The following NOTCH2 variants were observed in gnomAD, a reference collection of about 807,000 sequenced individuals.
NOTCH2 encodes the protein notch receptor 2, also known as neurogenic locus notch homolog protein 2.
In NOTCH2, 29 loss-of-function variants were observed where a neutral mutation model predicts 235.8. That is an observed-to-expected ratio of 0.12 (90% CI 0.09 to 0.17). The LOEUF is 0.17. NOTCH2 is among the 10% of genes least tolerant of loss of function. The pLI is 1.00. For synonymous variants in NOTCH2, 1,086 were observed against 1,141.5 expected (o/e 0.95, Z 0.98); for missense variants, 2,285 against 3,150.2 (o/e 0.73, Z 6.57).
intron 2 of NOTCH2, among the ~76,000 whole-genome samples, chr1:120,005,803 A>C (rs1489316480): frequency 2.2e-5 from 2 of 90,090 alleles, no homozygotes; most frequent in Non-Finnish European, 4.6e-5. Context: ...CAGGTGACAG[A>C]GTATCAGGTG....
chr1:119,948,861 G>C, intron 16 of NOTCH2, 146 bp downstream of exon 16: 1 of 1,134,118 alleles, frequency 8.8e-7, no homozygotes, highest in Non-Finnish European at 1.3e-6. Flanking sequence ...ATTTCAAGTA[G>C]CAGCTCCTTT....
intron 1 of NOTCH2, among the ~76,000 whole-genome samples, chr1:120,031,036 A>T (rs1383532288): frequency 6.7e-6 from 1 of 150,090 alleles, no homozygotes; most frequent in Non-Finnish European, 1.5e-5. Flanking sequence ...TAAGATGTCC[A>T]TCTCTTATGA....
intron 32 of NOTCH2, among the ~76,000 whole-genome samples, 186 bp from the exon 33 acceptor site, chr1:119,917,948 G>T: frequency 6.6e-6 from 1 of 152,112 alleles, no homozygotes; most frequent in African/African-American, 2.4e-5. Flanking sequence ...AGTACAGGCT[G>T]CCTAGCCTGC....
intron 2 of NOTCH2, among the ~76,000 whole-genome samples, chr1:120,024,940 C>T (rs1381797223): frequency 6.6e-6 from 1 of 150,586 alleles, no homozygotes; most frequent in Admixed American, 6.6e-5. Flanking sequence ...CAGGCATAAA[C>T]TAGAAGGGAT....
chr1:119,974,991 T>C (rs1553200746), intron 5 of NOTCH2, among the ~76,000 whole-genome samples: 1 of 152,176 alleles, frequency 6.6e-6, no homozygotes, highest in East Asian at 1.9e-4. Flanking sequence ...TAATCTAACA[T>C]GCTCATTTTA....
At chr1:119,978,312 A>T (rs1553201207) in intron 5 of NOTCH2, among the ~76,000 whole-genome samples, 1 of 152,138 alleles carries the variant, frequency 6.6e-6, no homozygotes, top group East Asian at 1.9e-4. Context: ...GTGTGGCTGG[A>T]GAGGGAGTTA....
intron 5 of NOTCH2, among the ~76,000 whole-genome samples, chr1:119,978,054 A>C (rs1651658608): frequency 6.6e-6 from 1 of 152,162 alleles, no homozygotes; most frequent in African/African-American, 2.4e-5. Context: ...TTGCCTTGGG[A>C]GTACAGAGTA....
intron 11 of NOTCH2, among the ~76,000 whole-genome samples, chr1:119,959,887 G>T (rs1347898384): frequency 6.6e-6 from 1 of 152,142 alleles, no homozygotes; most frequent in African/African-American, 2.4e-5. Context: ...ACTCAAGAGT[G>T]GCTTTGTTGG....
intron 1 of NOTCH2, among the ~76,000 whole-genome samples, chr1:120,064,920 C>A (rs1318757231): frequency 3.3e-5 from 5 of 150,760 alleles, no homozygotes; most frequent in African/African-American, 1.2e-4. Context: ...TGACTAGTCC[C>A]CAAAATGATG....
At chr1:119,967,768 A>G (rs1651200516) in intron 7 of NOTCH2, 147 bp from the exon 8 acceptor site, 1 of 788,272 alleles carries the variant, frequency 1.3e-6, no homozygotes, top group African/African-American at 1.7e-5. Flanking sequence ...TCCTTAATTT[A>G]AAAAGAAATA....
Position 119,997,085 on chromosome 1 carries a change from C to T in NOTCH2, c.663G>A (p.Leu221=), listed in dbSNP as rs374483518. ...AAGGTGAGGGTGCACAGGGCACATA[C>T]AGGCTGTCACAGTACTGGCCTGTGA... is the stretch of plus-strand genomic sequence containing the variant. ...QGFTGQYCDS[L]YVPCAPSPCV... is the part of the protein sequence containing the mutation. The change falls in exon 4 of 34, where the codon CTG becomes CTA. Residue 221 remains leucine, a synonymous_variant. Transcript: ENST00000256646. The T allele has an allele frequency of 2.4e-5, 38 of 1,613,916 alleles. No individual in the cohort carries two copies. The African/African-American group carries it at 2.9e-4, about 12-fold the overall frequency.
intron 26 of NOTCH2, among the ~76,000 whole-genome samples, chr1:119,923,366 G>A (rs1177808931): frequency 1.3e-5 from 2 of 152,168 alleles, no homozygotes; most frequent in Admixed American, 6.5e-5. Context: ...AGGGATTTGA[G>A]GCAACTCTGG....
rs781956923 is a variant in NOTCH2 at position 119,969,432 on chromosome 1, T to C, written c.1108+79A>G. 161 of 1,186,978 alleles carry C rather than the reference T, an allele frequency of 1.4e-4. 1 individual carries two copies. The highest frequency in any genetic ancestry group is 1.9e-4 in the Non-Finnish European group (158 of 813,140). The allele number at this position is 1,186,978 out of a possible 1,614,324, so 73.5% of individuals were successfully genotyped here. A position where few individuals can be genotyped will look rare whatever the true frequency, so the allele number is the denominator to read the frequency against. On this transcript the variant is annotated intron_variant, in intron 6 of 33. Transcript: ENST00000256646. ...AGATGGTAACTCAAAGAATATGCTG[T>C]TTGGGATGAAAGAGAAGGCAGAGTC...
At chr1:120,039,314 T>C (rs2101360549) in intron 1 of NOTCH2, among the ~76,000 whole-genome samples, 1 of 152,328 alleles carries the variant, frequency 6.6e-6, no homozygotes, top group South Asian at 2.1e-4. Flanking sequence ...TCTTGTATTA[T>C]CTGTTCTGTT....
intron 1 of NOTCH2, among the ~76,000 whole-genome samples, chr1:120,042,028 C>T (rs1274255640): frequency 2.1e-5 from 3 of 142,198 alleles, no homozygotes; most frequent in Non-Finnish European, 3.0e-5. Context: ...CGAGCAGATG[C>T]CCTGGCCTAC....
intron 1 of NOTCH2, among the ~76,000 whole-genome samples, chr1:120,038,228 T>C (rs1229350969): frequency 2.6e-5 from 4 of 152,150 alleles, no homozygotes; most frequent in African/African-American, 9.7e-5. Flanking sequence ...ACATGAAATA[T>C]AAGGTTTGAA....
intron 29 of NOTCH2, among the ~76,000 whole-genome samples, chr1:119,921,248 T>C (rs1649275691): frequency 6.6e-6 from 1 of 152,212 alleles, no homozygotes; most frequent in African/African-American, 2.4e-5. Flanking sequence ...ATGGCTTTAG[T>C]TTCCTGGGCT....
At chr1:119,978,422 C>G (rs1651676777) in intron 5 of NOTCH2, among the ~76,000 whole-genome samples, 1 of 152,192 alleles carries the variant, frequency 6.6e-6, no homozygotes, top group African/African-American at 2.4e-5. Context: ...AGAAAGTCCA[C>G]TCTGCTGCAG....
intron 1 of NOTCH2, among the ~76,000 whole-genome samples, chr1:120,039,823 AAAC>A (rs1553212485): frequency 1.3e-5 from 2 of 148,278 alleles, no homozygotes; most frequent in South Asian, 4.3e-4. Flanking sequence ...CACCCAAAAG[AAAC>A]AACATATTCT....
Sources: allele counts gnomAD v4.1 joint callset (sites outside exome capture counted in the v4.1 genomes callset), GRCh38; gene constraint gnomAD v4.1.1; transcripts MANE v1.5; gene names NCBI Gene and HGNC (gene_info 2026-07-23, HGNC 2026-07-21).